The following CSTF2 variants were observed in gnomAD, a reference collection of about 807,000 sequenced individuals.
CSTF2 encodes cleavage stimulation factor subunit 2.
In CSTF2, 8 loss-of-function variants were observed where a neutral mutation model predicts 45.4. The ratio of observed to expected loss-of-function variants is 0.18; its 90% confidence interval spans 0.10 to 0.32. CSTF2 has a LOEUF of 0.32. CSTF2 is among the 10% of genes least tolerant of loss of function. CSTF2 has a pLI of 1.00. For missense variants in CSTF2, 253 were observed against 477.1 expected (o/e 0.53, Z 4.38); for synonymous variants, 155 against 158.9 (o/e 0.98, Z 0.18).
chrX:100,840,039 C>CA (rs761231066), intron 13 of CSTF2, among the ~76,000 whole-genome samples: 6 of 111,900 alleles, frequency 5.4e-5, no homozygotes, highest in Non-Finnish European at 1.1e-4. Context: ...CAGTGTAGTG[C>CA]AAAACCAAGA....
chrX:100,822,657 G>A, intron 3 of CSTF2: 1 of 400,497 alleles, frequency 2.5e-6, no homozygotes, highest in Admixed American at 3.2e-5. Context: ...TCTGGATGGA[G>A]CAGGGCAAGG....
chrX:100,830,625 T>A (rs2084969594), intron 8 of CSTF2, among the ~76,000 whole-genome samples: 1 of 111,739 alleles, frequency 8.9e-6, no homozygotes, highest in African/African-American at 3.3e-5. Flanking sequence ...TGGAACTATT[T>A]CAGAGACCCA....
chrX:100,832,014 C>T (rs1490274221), intron 9 of CSTF2, among the ~76,000 whole-genome samples: 2 of 111,046 alleles, frequency 1.8e-5, no homozygotes, highest in Admixed American at 9.5e-5. Flanking sequence ...GTCAGGAGTT[C>T]GAGACCTGCC....
rs763960104 is a variant in CSTF2, at chrX:100,823,930, T to C, written c.489T>C (p.Leu163=). Residue 163 remains leucine, a synonymous_variant, in exon 5 of 14, where the codon CTT becomes CTC. Coordinates refer to ENST00000372972, the MANE Select transcript of CSTF2 (RefSeq NM_001325.3). ...CCCAGGAGGCACGGAACATGTTACT[T>C]CAGAACCCTCAACTGGCTTATGCTT... The part of the protein sequence containing the change: ...NSPQEARNML[L]QNPQLAYALL... The C allele has an allele frequency of 8.3e-7, 1 of 1,211,176 alleles. No individual in the cohort carries two copies. The highest frequency in any genetic ancestry group is 1.1e-6 in the Non-Finnish European group (1 of 894,884).
intron 7 of CSTF2, among the ~76,000 whole-genome samples, chrX:100,826,969 G>A (rs2084948586): frequency 8.9e-6 from 1 of 111,794 alleles, no homozygotes; most frequent in Admixed American, 9.5e-5. Flanking sequence ...TAAAGTGAAA[G>A]AGCATAGTAA....
Position 100,820,408 on chromosome X carries a change from A to G in CSTF2, c.-9A>G. On this transcript the variant is annotated 5_prime_UTR_variant, in exon 1 of 14. Coordinates refer to ENST00000372972, the MANE Select transcript of CSTF2 (RefSeq NM_001325.3). The stretch of plus-strand genomic sequence containing the variant: ...GCTTTGGCGCACCGGAAGCCGACTC[A>G]ACAGAGCTATGGCGGGTTTGACTGT... The G allele has an allele frequency of 8.3e-7, 1 of 1,211,667 alleles. No homozygotes were observed. The highest frequency in any genetic ancestry group is 2.3e-4 in the Middle Eastern group (1 of 4,353).
rs200838793 is a variant in CSTF2 at position 100,821,522 on chromosome X, C to G, written c.59-5C>G. The G allele has an allele frequency of 4.3e-6, 5 of 1,172,764 alleles. No homozygotes were observed. The African/African-American group carries it at 7.1e-5, about 17-fold the overall frequency. On this transcript the variant is annotated splice_region_variant and splice_polypyrimidine_tract_variant and intron_variant, in intron 1 of 13. Transcript: ENST00000372972. ...AATTTTAATGTTACCTATTTTCTTCCTTAGTGGGGAACATTCCTTATGAAG... is the reference window on the plus strand; with the variant it reads ...AATTTTAATGTTACCTATTTTCTTCGTTAGTGGGGAACATTCCTTATGAAG...
At chrX:100,835,688 A>G (rs774193262) in intron 11 of CSTF2, among the ~76,000 whole-genome samples, 37 of 111,065 alleles carry the variant, frequency 3.3e-4, no homozygotes, top group Admixed American at 5.8e-4. Flanking sequence ...TATCATCTAA[A>G]GGAGAACATG....
At chrX:100,831,910 G>A (rs1037217722) in intron 9 of CSTF2, among the ~76,000 whole-genome samples, 4 of 112,019 alleles carry the variant, frequency 3.6e-5, no homozygotes, top group Admixed American at 9.4e-5. Context: ...TTATAGTAGT[G>A]GAAATATTAA....
Position 100,830,997 on chromosome X carries a change from T to C in CSTF2, c.890-518T>C, listed in dbSNP as rs2084972460. The stretch of plus-strand genomic sequence containing the variant: ...GGGTAGTGTTTTTGGGTTTTTGTTT[T>C]TTTAATTTTTTCCTGTTGAGGCCAC... On this transcript the variant is annotated intron_variant, in intron 8 of 13. Coordinates refer to ENST00000372972, the MANE Select transcript of CSTF2 (RefSeq NM_001325.3). The C allele has an allele frequency of 5.8e-6, 3 of 516,130 alleles. No individual in the cohort carries two copies. The Middle Eastern group carries it at 1.4e-3, about 245-fold the overall frequency. 42.5% of individuals were successfully genotyped at this position (516,130 alleles called of 1,213,427 possible).
At chrX:100,833,878 A>G (rs996518336) in intron 11 of CSTF2, among the ~76,000 whole-genome samples, 2 of 111,905 alleles carry the variant, frequency 1.8e-5, no homozygotes, top group Non-Finnish European at 3.8e-5. Flanking sequence ...ACTTCCCCCA[A>G]ATGATTCTAA....
intron 2 of CSTF2, 116 bp downstream of exon 2, chrX:100,821,721 G>A (rs752188258): frequency 4.0e-6 from 2 of 494,112 alleles, no homozygotes; most frequent in East Asian, 3.6e-5. Flanking sequence ...TTTTGTTCTT[G>A]TAACAGCTTT....
rs1461718793 is a variant in CSTF2, at chrX:100,833,371, A to G, written c.1399A>G (p.Thr467Ala). Residue 467 changes from threonine (T) to alanine (A), a missense_variant, in exon 11 of 14, where the codon ACC becomes GCC. Physicochemically the swap from Thr to Ala is moderately conservative, Grantham distance 58 (BLOSUM62 0). Transcript: ENST00000372972. ...AGGGATGGAGGCCAGAGGCATGGATACCAGAGGCCCAGTGCCTGGCCCCAG... is the reference window on the plus strand; with the variant it reads ...AGGGATGGAGGCCAGAGGCATGGATGCCAGAGGCCCAGTGCCTGGCCCCAG... ...VRGMEARGMD[T>A]RGPVPGPRGP... The G allele has an allele frequency of 5.0e-6, 6 of 1,209,680 alleles. No homozygotes were observed. In the South Asian group the frequency reaches 1.1e-4, roughly 21 times the overall value.
chrX:100,834,462 TGTC>T (rs1333426574), intron 11 of CSTF2, among the ~76,000 whole-genome samples: 1 of 112,353 alleles, frequency 8.9e-6, no homozygotes, highest in Non-Finnish European at 1.9e-5. Flanking sequence ...TTTACTACTC[TGTC>T]CTGTTATCTG....
At chrX:100,833,129 G>A (rs757956057) in intron 10 of CSTF2, 51 bp from the exon 11 acceptor site, 27 of 1,129,480 alleles carry the variant, frequency 2.4e-5, no homozygotes, top group Non-Finnish European at 2.5e-5. Context: ...CATCATTCTT[G>A]CAGTACATGC....
At chrX:100,830,460 A>G (rs1181404204) in intron 8 of CSTF2, among the ~76,000 whole-genome samples, 2 of 111,873 alleles carry the variant, frequency 1.8e-5, no homozygotes, top group African/African-American at 6.5e-5. Context: ...AAGATTCAAA[A>G]CTATCCTTTT....
chrX:100,824,053 T>C, intron 5 of CSTF2, 48 bp downstream of exon 5: 3 of 1,209,490 alleles, frequency 2.5e-6, no homozygotes, highest in Non-Finnish European at 3.4e-6. Context: ...AAACCTTGAA[T>C]GGGATAGGAA....
In CSTF2 at chrX:100,821,578, C is replaced by G. The variant is rs1178971507; in HGVS notation, c.110C>G (p.Ser37Cys). 1 of 1,206,716 alleles carries G rather than the reference C, an allele frequency of 8.3e-7. No homozygotes were observed. The highest frequency in any genetic ancestry group is 1.8e-5 in the South Asian group (1 of 56,727). ...ATEEQLKDIF[S>C]EVGPVVSFRL... ...GAAGAGCAGTTGAAGGACATCTTTTCTGAGGTTGGACCTGTTGTTAGTTTC... is the reference window on the plus strand; with the variant it reads ...GAAGAGCAGTTGAAGGACATCTTTTGTGAGGTTGGACCTGTTGTTAGTTTC... The change falls in exon 2 of 14, where the codon TCT becomes TGT. Residue 37 changes from serine to cysteine, a missense_variant. Ser to Cys is a moderately radical substitution (Grantham distance 112, BLOSUM62 -1). Transcript: ENST00000372972.
chrX:100,838,056 A>AT (rs1334204587), intron 12 of CSTF2, among the ~76,000 whole-genome samples, 183 bp from the exon 13 acceptor site: 2 of 105,984 alleles, frequency 1.9e-5, no homozygotes, highest in African/African-American at 3.5e-5. Context: ...TTTATTTTTT[A>AT]TTTTTTTTGG....
Sources: allele counts gnomAD v4.1 joint callset (sites outside exome capture counted in the v4.1 genomes callset), GRCh38; gene constraint gnomAD v4.1.1; transcripts MANE v1.5; gene names NCBI Gene and HGNC (gene_info 2026-07-23, HGNC 2026-07-21).